The following GPR19 variants were observed in gnomAD, a reference collection of about 807,000 sequenced individuals.
The protein encoded by GPR19 is probable G protein-coupled receptor 19.
Under a neutral mutation model 28.5 loss-of-function variants are expected in GPR19, and 14 were observed. The ratio of observed to expected loss-of-function variants is 0.49; its 90% CI spans 0.32 to 0.77. The LOEUF (loss-of-function observed/expected upper bound fraction) is 0.77, where lower values mean the gene tolerates loss of function less well. GPR19 is among the 30% of genes least tolerant of loss of function. The pLI is 0.03. For synonymous variants in GPR19, 173 were observed against 184.1 expected (o/e 0.94, Z 0.49); for missense variants, 409 against 504.1 (o/e 0.81, Z 1.81).
chr12:12,700,490 G>C (rs1946315104), upstream of GPR19, among the ~76,000 whole-genome samples: 1 of 152,114 alleles, frequency 6.6e-6, no homozygotes, highest in South Asian at 2.1e-4. Flanking sequence ...GGGAGGCTTA[G>C]GGAAGTATGT....
chr12:12,709,175 C>T, the GPR19 span, among the ~76,000 whole-genome samples: 58 of 152,044 alleles, frequency 3.8e-4, no homozygotes, highest in African/African-American at 1.2e-3. Flanking sequence ...TGCTATAGAA[C>T]GTAAATGTAG....
In GPR19 at chr12:12,662,173, C is replaced by G. The variant is rs200936173; in HGVS notation, c.276G>C (p.Arg92Ser). Reference sequence around the variant, plus strand: ...TGGTGGTAGACTGAGTCCTCCTACTCCTATGGATGACCAAACAAACCAGGG... The same window carrying G: ...TGGTGGTAGACTGAGTCCTCCTACTGCTATGGATGACCAAACAAACCAGGG... Reference protein sequence around the residue: ...GNSLVCLVIHRSRRTQSTTNY... With the variant: ...GNSLVCLVIHSSRRTQSTTNY... Residue 92 changes from arginine (R) to serine (S), a missense_variant, in exon 4 of 4, where the codon AGG (arginine) becomes AGC (serine). Coordinates refer to ENST00000651487, the MANE Select transcript of GPR19 (RefSeq NM_006143.3). The G allele has an allele frequency of 9.9e-6, 16 of 1,614,126 alleles. No homozygotes were observed. Among genetic ancestry groups the G allele is most frequent in the African/African-American group, 2.7e-5 (2 of 74,946 alleles).
At chr12:12,704,237 C>G in the GPR19 span, among the ~76,000 whole-genome samples, 1 of 152,234 alleles carries the variant, frequency 6.6e-6, no homozygotes, top group East Asian at 1.9e-4. Context: ...CGCTGTGGCT[C>G]ACACCTGTAA....
At position 12,662,966 on chromosome 12, in the gene GPR19, T is replaced by C. The variant is rs543406643; in HGVS notation, c.-22-496A>G. Among the ~76,000 whole-genome samples, 106 of 152,346 alleles carry C rather than the reference T, an allele frequency of 7.0e-4. 2 individuals are homozygous for C. The highest frequency in any genetic ancestry group is 2.4e-3 in the African/African-American group (101 of 41,572). ...GAAGTAGCTAACAGCAGTCTGTGAA[T>C]GTAGACAGGCTAGCTACTGGGAAGG... is the stretch of plus-strand genomic sequence containing the variant. On this transcript the variant is annotated intron_variant, in intron 3 of 3. Coordinates refer to ENST00000651487, the MANE Select transcript of GPR19 (RefSeq NM_006143.3).
intron 2 of GPR19, chr12:12,688,753 C>T (rs1467262136): frequency 2.0e-5 from 3 of 152,312 alleles, no homozygotes; most frequent in Non-Finnish European, 4.4e-5. Flanking sequence ...GGTAACCCCA[C>T]AGCAGGGGCC....
At chr12:12,668,386 T>TG (rs1238802937) in intron 3 of GPR19, among the ~76,000 whole-genome samples, 14 of 152,136 alleles carry the variant, frequency 9.2e-5, no homozygotes, top group African/African-American at 3.4e-4. Flanking sequence ...ATGCAATGGA[T>TG]GGATGAATGA....
At chr12:12,710,075 G>A in the GPR19 span, among the ~76,000 whole-genome samples, 1 of 152,158 alleles carries the variant, frequency 6.6e-6, no homozygotes, top group Non-Finnish European at 1.5e-5. Context: ...CATGCAGCCA[G>A]GTGCGGTGGC....
the GPR19 span, among the ~76,000 whole-genome samples, chr12:12,705,965 G>C: frequency 3.3e-5 from 5 of 152,316 alleles, no homozygotes; most frequent in South Asian, 8.3e-4. Context: ...TAATATGCTT[G>C]CTTCCCCGTC....
rs528302150 is a variant in GPR19 at position 12,665,819 on chromosome 12, C to CAAAA, written c.-22-3353_-22-3350dup. Among the ~76,000 whole-genome samples, 50 of 75,718 alleles carry CAAAA rather than the reference C, an allele frequency of 6.6e-4. 1 individual carries two copies. Among genetic ancestry groups the CAAAA allele is most frequent in the Admixed American group, 1.2e-3 (5 of 4,256 alleles). 49.7% of individuals were successfully genotyped at this position (75,718 alleles called of 152,430 possible). On this transcript the variant is annotated intron_variant, in intron 3 of 3. Coordinates refer to ENST00000651487, the MANE Select transcript of GPR19 (RefSeq NM_006143.3). Reference sequence around the variant, plus strand: ...TGGGGCACAAAGCCAGACTCCGTCTCAAAAAAAAAAAAAAAAAAAAAAAAA... The same window carrying CAAAA: ...TGGGGCACAAAGCCAGACTCCGTCTCAAAAAAAAAAAAAAAAAAAAAAAAAAAAA...
Position 12,662,147 on chromosome 12 carries a change from T to C in GPR19, c.302A>G (p.Asn101Ser). The stretch of plus-strand genomic sequence containing the variant: ...ACATGCCATGGAGACCACAAAGTAG[T>C]TGGTGGTAGACTGAGTCCTCCTACT... ...HRSRRTQSTT[N>S]YFVVSMACAD... is the part of the protein sequence containing the mutation. Residue 101 changes from asparagine (N) to serine (S), a missense_variant, in exon 4 of 4, where the codon AAC becomes AGC. Coordinates refer to ENST00000651487, the MANE Select transcript of GPR19 (RefSeq NM_006143.3). The C allele has an allele frequency of 1.9e-6, 3 of 1,614,176 alleles. No homozygotes were observed. Among genetic ancestry groups the C allele is most frequent in the Non-Finnish European group, 2.5e-6 (3 of 1,180,014 alleles).
chr12:12,707,989 C>CTTTTTTTT, the GPR19 span, among the ~76,000 whole-genome samples: 165 of 62,474 alleles, frequency 2.6e-3, 32 homozygotes, highest in East Asian at 0.011. Flanking sequence ...ATTTCCTATT[C>CTTTTTTTT]TTTTTTTTTT....
At chr12:12,716,694 C>T in the GPR19 span, 2 of 955,506 alleles carry the variant, frequency 2.1e-6, no homozygotes, top group African/African-American at 3.5e-5. Flanking sequence ...GCGTCTACTC[C>T]TGGCTAATTT....
At chr12:12,675,520 C>G (rs186736994) in intron 3 of GPR19, among the ~76,000 whole-genome samples, 4 of 152,156 alleles carry the variant, frequency 2.6e-5, no homozygotes, top group Non-Finnish European at 5.9e-5. Flanking sequence ...GGTTATGAAC[C>G]TTAAAGTGGG....
At chr12:12,708,787 G>A in the GPR19 span, among the ~76,000 whole-genome samples, 1 of 152,192 alleles carries the variant, frequency 6.6e-6, no homozygotes, top group East Asian at 1.9e-4. Context: ...GGTGGCTCAC[G>A]CCTGTAATCC....
At chr12:12,689,724 C>A (rs1479021761) in intron 2 of GPR19, among the ~76,000 whole-genome samples, 2 of 152,156 alleles carry the variant, frequency 1.3e-5, no homozygotes, top group African/African-American at 2.4e-5. Flanking sequence ...TCCACCTCCC[C>A]CTGAATGTGG....
At chr12:12,664,249 C>T (rs1945725406) in intron 3 of GPR19, among the ~76,000 whole-genome samples, 1 of 152,160 alleles carries the variant, frequency 6.6e-6, no homozygotes, top group African/African-American at 2.4e-5. Flanking sequence ...CTTGGCCTCC[C>T]AAAGTGCTGG....
At chr12:12,662,976 C>T (rs1001122938) in intron 3 of GPR19, among the ~76,000 whole-genome samples, 13 of 152,214 alleles carry the variant, frequency 8.5e-5, no homozygotes, top group African/African-American at 2.9e-4. Flanking sequence ...TGTAGACAGG[C>T]TAGCTACTGG....
chr12:12,682,336 G>T (rs1213074643), intron 3 of GPR19, among the ~76,000 whole-genome samples: 1 of 152,182 alleles, frequency 6.6e-6, no homozygotes, highest in East Asian at 1.9e-4. Context: ...GCATAATTTT[G>T]ACTGTTGCCA....
chr12:12,675,658 T>C (rs1945920537), intron 3 of GPR19, among the ~76,000 whole-genome samples: 1 of 152,124 alleles, frequency 6.6e-6, no homozygotes. Context: ...TGACATGCTA[T>C]TGCAGGCTCT....
Sources: allele counts gnomAD v4.1 joint callset (sites outside exome capture counted in the v4.1 genomes callset), GRCh38; gene constraint gnomAD v4.1.1; transcripts MANE v1.5; gene names NCBI Gene and HGNC (gene_info 2026-07-23, HGNC 2026-07-21).